Variants in DYNC2I1 observed in about 807,000 individuals in gnomAD.
DYNC2I1 encodes the protein cytoplasmic dynein 2 intermediate chain 1.
In DYNC2I1, 89 loss-of-function variants were observed where a neutral mutation model predicts 133.4. That is an observed-to-expected ratio of 0.67 (90% CI 0.56 to 0.80). The LOEUF (loss-of-function observed/expected upper bound fraction) is 0.80. Ranked by LOEUF, DYNC2I1 falls within the 30% of genes least tolerant of loss-of-function variation. DYNC2I1 has a pLI of 0.00. For synonymous variants in DYNC2I1, 504 were observed against 484.3 expected, an observed-to-expected ratio of 1.04 and a Z score of -0.54; for missense variants, 1,291 against 1,314.5, an observed-to-expected ratio of 0.98 and a Z score of 0.28.
chr7:158,872,628 AAAAG>A (rs1842984946), intron 3 of DYNC2I1, among the ~76,000 whole-genome samples: 1 of 151,976 alleles, frequency 6.6e-6, no homozygotes, highest in Non-Finnish European at 1.5e-5. Flanking sequence ...CTCTGTCTCT[AAAAG>A]AAAAAAAAAA....
chr7:158,903,227 A>C (rs1354398270), intron 10 of DYNC2I1: 1 of 152,150 alleles, frequency 6.6e-6, no homozygotes, highest in South Asian at 2.1e-4. Flanking sequence ...TTTTCCTACA[A>C]GGACCTTTTT....
intron 11 of DYNC2I1, among the ~76,000 whole-genome samples, chr7:158,910,218 CTGTT>C (rs1261254171): frequency 6.6e-6 from 1 of 152,268 alleles, no homozygotes; most frequent in Non-Finnish European, 1.5e-5. Context: ...GGAAAAGGAA[CTGTT>C]TGTGAAGCAA....
At chr7:158,924,365 C>T (rs542031751) in intron 17 of DYNC2I1, among the ~76,000 whole-genome samples, 16 of 152,376 alleles carry the variant, frequency 1.1e-4, no homozygotes, top group South Asian at 8.3e-4. Context: ...CGCCCCTTCC[C>T]GTAGGGGTTG....
At chr7:158,909,531 A>G (rs1273831185) in intron 11 of DYNC2I1, among the ~76,000 whole-genome samples, 1 of 152,160 alleles carries the variant, frequency 6.6e-6, no homozygotes, top group Non-Finnish European at 1.5e-5. Flanking sequence ...AGCATCTTAC[A>G]AAAGAATATG....
At chr7:158,930,610 C>T (rs1563193155) in intron 21 of DYNC2I1, 95 bp downstream of exon 21, 20 of 967,374 alleles carry the variant, frequency 2.1e-5, no homozygotes, top group South Asian at 1.1e-4. Context: ...TGAGCTTTTG[C>T]GATGAAGAAG....
chr7:158,876,015 C>T (rs541093261), intron 3 of DYNC2I1, among the ~76,000 whole-genome samples: 11 of 152,236 alleles, frequency 7.2e-5, no homozygotes, highest in South Asian at 4.1e-4. Flanking sequence ...CCTTAGTGTA[C>T]GAGTCTGTCC....
At chr7:158,947,217 C>T (rs561138962), downstream of DYNC2I1, among the ~76,000 whole-genome samples, 1 of 152,172 alleles carries the variant, frequency 6.6e-6, no homozygotes, top group African/African-American at 2.4e-5. Flanking sequence ...CACGCGGCCT[C>T]TCTCTGCATC....
At chr7:158,902,136 T>C (rs1846318337) in intron 9 of DYNC2I1, among the ~76,000 whole-genome samples, 1 of 152,368 alleles carries the variant, frequency 6.6e-6, no homozygotes, top group South Asian at 2.1e-4. Flanking sequence ...GTGATGATAG[T>C]TGATAGGTCT....
intron 7 of DYNC2I1, among the ~76,000 whole-genome samples, chr7:158,890,805 C>T (rs557992000): frequency 6.6e-6 from 1 of 152,182 alleles, no homozygotes; most frequent in East Asian, 1.9e-4. Flanking sequence ...AACTCCTGAC[C>T]TCAGGTGATC....
chr7:158,885,017 C>G lies in DYNC2I1; in HGVS notation c.935+398C>G, dbSNP rs867891768. On this transcript the variant is annotated intron_variant, in intron 6 of 24. Coordinates refer to ENST00000407559, the MANE Select transcript of DYNC2I1 (RefSeq NM_018051.5). ...CACTTAATGTGCAAGAGGGAGTCCT[C>G]CCTGCCTGAAGCTAAAGCAAATCCG... is the stretch of plus-strand genomic sequence containing the variant. Among the ~76,000 whole-genome samples, 7 of 152,318 alleles carry G rather than the reference C, an allele frequency of 4.6e-5. No individual in the cohort carries two copies. The South Asian group carries it at 8.3e-4, about 18-fold the overall frequency.
At chr7:158,928,651 G>A (rs1349900382) in intron 20 of DYNC2I1, among the ~76,000 whole-genome samples, 2 of 152,132 alleles carry the variant, frequency 1.3e-5, no homozygotes, top group Non-Finnish European at 2.9e-5. Context: ...GCTCTGTGTT[G>A]TCCACTCCAG....
chr7:158,917,350 CACCTCTCACTAAACACCTCCT>C (rs1482437829), intron 14 of DYNC2I1, among the ~76,000 whole-genome samples: 2 of 146,754 alleles, frequency 1.4e-5, no homozygotes, highest in African/African-American at 5.1e-5. Context: ...CTCCACCCTC[CACCTCTCACTAAACACCTCCT>C]GTCCTCCACA....
At chr7:158,933,016 A>G (rs1003064360) in intron 21 of DYNC2I1, among the ~76,000 whole-genome samples, 6 of 152,178 alleles carry the variant, frequency 3.9e-5, no homozygotes, top group African/African-American at 1.4e-4. Context: ...GGAGATGCCC[A>G]GGAGCTAGGG....
chr7:158,878,989 G>A (rs1475499245), intron 4 of DYNC2I1, among the ~76,000 whole-genome samples: 2 of 150,204 alleles, frequency 1.3e-5, no homozygotes, highest in East Asian at 2.0e-4. Flanking sequence ...GTGCCATGTG[G>A]GGAGGCCAGG....
chr7:158,900,607 T>C (rs1846145584), intron 8 of DYNC2I1, among the ~76,000 whole-genome samples: 1 of 152,154 alleles, frequency 6.6e-6, no homozygotes, highest in Non-Finnish European at 1.5e-5. Context: ...CTGACATCAG[T>C]TTGGAGAAAT....
chr7:158,929,965 G>A (rs1037352732), intron 20 of DYNC2I1, among the ~76,000 whole-genome samples: 15 of 152,192 alleles, frequency 9.9e-5, no homozygotes, highest in East Asian at 3.9e-4. Context: ...GAGGCCAGAC[G>A]CACTCGGCTG....
intron 11 of DYNC2I1, among the ~76,000 whole-genome samples, chr7:158,910,974 G>A (rs1241154003): frequency 1.3e-5 from 2 of 151,342 alleles, no homozygotes; most frequent in East Asian, 1.9e-4. Context: ...GCTGTTTCAG[G>A]CCTGTGGGAG....
chr7:158,956,214 G>A (rs921758442), intron 4 of DYNC2I1, among the ~76,000 whole-genome samples: 2 of 152,244 alleles, frequency 1.3e-5, no homozygotes, highest in African/African-American at 4.8e-5. Context: ...GGCTGCGGCT[G>A]TAGGATCCAC....
chr7:158,860,500 G>A (rs1442352165), intron 1 of DYNC2I1, among the ~76,000 whole-genome samples: 3 of 152,130 alleles, frequency 2.0e-5, no homozygotes, highest in African/African-American at 7.2e-5. Flanking sequence ...TCAGTATGTC[G>A]TAGCTATTGG....
Sources: allele counts gnomAD v4.1 joint callset (sites outside exome capture counted in the v4.1 genomes callset), GRCh38; gene constraint gnomAD v4.1.1; transcripts MANE v1.5; gene names NCBI Gene and HGNC (gene_info 2026-07-23, HGNC 2026-07-21).